The following SCML4 variants were observed in gnomAD, a reference collection of about 807,000 sequenced individuals.
The protein encoded by SCML4 is sex comb on midleg-like protein 4.
In SCML4, 34 loss-of-function variants were observed where a neutral mutation model predicts 41.1. The ratio of observed to expected loss-of-function variants is 0.83; its 90% CI spans 0.63 to 1.10. SCML4 has a LOEUF of 1.10. SCML4 is among the 50% of genes least tolerant of loss of function. The pLI is 0.00. For missense variants in SCML4, 522 were observed against 534.1 expected (o/e 0.98, Z 0.22); for synonymous variants, 214 against 220.9 (o/e 0.97, Z 0.28).
chr6:107,781,283 T>C (rs1387982811), intron 1 of SCML4, among the ~76,000 whole-genome samples: 2 of 151,750 alleles, frequency 1.3e-5, no homozygotes, highest in East Asian at 1.9e-4. Flanking sequence ...CTGAAAAAAA[T>C]AGGAATTGAC....
At chr6:107,792,023 G>A (rs796737727) in intron 1 of SCML4, among the ~76,000 whole-genome samples, 26 of 152,330 alleles carry the variant, frequency 1.7e-4, no homozygotes, top group African/African-American at 6.3e-4. Context: ...TTACTTTGGG[G>A]GAAGGGGAGG....
chr6:107,720,391 A>G, intron 6 of SCML4: 1 of 1,051,622 alleles, frequency 9.5e-7, no homozygotes, highest in South Asian at 4.4e-5. Flanking sequence ...ATTGAGATGC[A>G]TCCATGAATC....
chr6:107,838,591 T>C, the SCML4 span, among the ~76,000 whole-genome samples: 2 of 152,140 alleles, frequency 1.3e-5, no homozygotes, highest in South Asian at 4.1e-4. Flanking sequence ...GTGAGAGGAA[T>C]TCCAGAATGA....
chr6:107,827,106 A>G (rs1456761247), upstream of SCML4, among the ~76,000 whole-genome samples: 1 of 148,550 alleles, frequency 6.7e-6, no homozygotes, highest in African/African-American at 2.4e-5. Flanking sequence ...TATTTAAGTA[A>G]ACAATATTTA....
intron 1 of SCML4, among the ~76,000 whole-genome samples, chr6:107,804,055 A>G (rs1166504838): frequency 1.0e-5 from 1 of 98,852 alleles, no homozygotes; most frequent in African/African-American, 5.2e-5. Context: ...ATAACAAAAA[A>G]AAAAAGAAAA....
chr6:107,755,951 C>A (rs1779074617), intron 2 of SCML4, among the ~76,000 whole-genome samples: 2 of 151,952 alleles, frequency 1.3e-5, no homozygotes, highest in East Asian at 1.9e-4. Flanking sequence ...AAATTCGGAC[C>A]AAGAGGAACA....
intron 1 of SCML4, among the ~76,000 whole-genome samples, chr6:107,797,163 A>C (rs1782772743): frequency 6.6e-6 from 1 of 152,074 alleles, no homozygotes; most frequent in South Asian, 2.1e-4. Context: ...TTGAATTTCC[A>C]TATAAGTGCA....
chr6:107,742,939 A>T (rs1028695631), intron 5 of SCML4, among the ~76,000 whole-genome samples: 1 of 152,220 alleles, frequency 6.6e-6, no homozygotes, highest in African/African-American at 2.4e-5. Context: ...TATGAAGCCC[A>T]AAAGACAAAG....
intron 6 of SCML4, among the ~76,000 whole-genome samples, chr6:107,713,241 CT>C (rs1297722129): frequency 6.6e-6 from 1 of 152,214 alleles, no homozygotes; most frequent in Non-Finnish European, 1.5e-5. Context: ...AGGAGAAACT[CT>C]TTAGCTAACA....
intron 2 of SCML4, among the ~76,000 whole-genome samples, chr6:107,756,041 G>T (rs1246537747): frequency 6.6e-6 from 1 of 152,090 alleles, no homozygotes; most frequent in Admixed American, 6.6e-5. Flanking sequence ...ATAAATAGGT[G>T]GTTGACTCAG....
upstream of SCML4, among the ~76,000 whole-genome samples, chr6:107,829,177 C>G (rs547358142): frequency 5.9e-5 from 9 of 152,038 alleles, no homozygotes; most frequent in East Asian, 1.7e-3. Flanking sequence ...TCCAGGAGTT[C>G]AAGACCAGCC....
chr6:107,735,485 A>T (rs1776969527), intron 5 of SCML4, among the ~76,000 whole-genome samples: 1 of 150,920 alleles, frequency 6.6e-6, no homozygotes, highest in African/African-American at 2.4e-5. Context: ...AGTTTTTTTT[A>T]TTGTGGTAAA....
chr6:107,731,488 A>G (rs534721837), intron 5 of SCML4, among the ~76,000 whole-genome samples: 1 of 151,624 alleles, frequency 6.6e-6, no homozygotes, highest in East Asian at 1.9e-4. Flanking sequence ...TCTCTCTCTC[A>G]CCCCCCACTT....
At chr6:107,804,049 C>CAAA (rs1206492732) in intron 1 of SCML4, among the ~76,000 whole-genome samples, 1,317 of 79,336 alleles carry the variant, frequency 0.017, 17 homozygotes, top group African/African-American at 0.046. Context: ...TGATCAATAA[C>CAAA]AAAAAAAAAA....
At chr6:107,791,089 T>C (rs1583594821) in intron 1 of SCML4, among the ~76,000 whole-genome samples, 1 of 145,466 alleles carries the variant, frequency 6.9e-6, no homozygotes, top group South Asian at 2.2e-4. Context: ...AAAAAAGCAC[T>C]GAACAAGCCC....
At chr6:107,838,660 C>T in the SCML4 span, among the ~76,000 whole-genome samples, 4 of 152,024 alleles carry the variant, frequency 2.6e-5, no homozygotes, top group Non-Finnish European at 5.9e-5. Context: ...GAGGTATCTC[C>T]CCAGATGGAA....
intron 5 of SCML4, among the ~76,000 whole-genome samples, chr6:107,722,369 G>T (rs755194629): frequency 1.3e-5 from 2 of 151,728 alleles, no homozygotes; most frequent in African/African-American, 4.8e-5. Flanking sequence ...TTTTTCTTTT[G>T]GGGGGTGGGG....
intron 1 of SCML4, among the ~76,000 whole-genome samples, chr6:107,786,733 G>C (rs1402711588): frequency 2.0e-5 from 3 of 152,150 alleles, no homozygotes; most frequent in Non-Finnish European, 4.4e-5. Flanking sequence ...CTATTCCTTA[G>C]CACTGAGGCA....
intron 2 of SCML4, among the ~76,000 whole-genome samples, chr6:107,767,651 A>T (rs1382230848): frequency 6.6e-6 from 1 of 152,206 alleles, no homozygotes; most frequent in Non-Finnish European, 1.5e-5. Flanking sequence ...TTAGGTACTC[A>T]ACAGAAGCTG....
Sources: gnomAD v4.1 joint callset for allele counts (sites outside exome capture counted in the v4.1 genomes callset) on GRCh38, gnomAD v4.1.1 for gene constraint, MANE v1.5 for transcripts, NCBI Gene and HGNC (gene_info 2026-07-23, HGNC 2026-07-21) for gene names.